The following AREL1 variants were observed in gnomAD, a reference collection of about 807,000 sequenced individuals.
The protein encoded by AREL1 is apoptosis-resistant E3 ubiquitin protein ligase 1.
AREL1 carries 62 observed loss-of-function variants against 99.0 expected under a neutral mutation model. That is an observed-to-expected ratio of 0.63 (90% confidence interval 0.51 to 0.77). The LOEUF (loss-of-function observed/expected upper bound fraction) is 0.77, where lower values mean the gene tolerates loss of function less well. Among genes scored for constraint, AREL1 ranks in the 30% least tolerant of loss-of-function variants. AREL1 has a pLI of 0.00. For missense variants in AREL1, 879 were observed against 1,027.6 expected, an observed-to-expected ratio of 0.86 and a Z score of 1.98; for synonymous variants, 380 against 376.5, an observed-to-expected ratio of 1.01 and a Z score of -0.11.
At chr14:74,667,833 T>G (rs1232404204) in intron 15 of AREL1, among the ~76,000 whole-genome samples, 1 of 152,222 alleles carries the variant, frequency 6.6e-6, no homozygotes, top group Non-Finnish European at 1.5e-5. Context: ...CTGGGTAAGG[T>G]CTTCTCTGAC....
Position 74,685,709 on chromosome 14 carries a change from G to A in AREL1, c.-45-49C>T, listed in dbSNP as rs192402867. ...TTTTTGTCTCCAACTCTGCCTCATA[G>A]CTATCTCAGAGTAAGACAAAGAAGA... On this transcript the variant is annotated intron_variant, in intron 2 of 19. Transcript: ENST00000356357. The A allele has an allele frequency of 1.7e-4, 264 of 1,523,848 alleles. No homozygotes were observed. The African/African-American group carries it at 3.4e-3, about 20-fold the overall frequency. The allele number at this position is 1,523,848 out of a possible 1,614,324, so 94.4% of individuals were successfully genotyped here.
At chr14:74,685,387 A>G (rs1460198613) in intron 3 of AREL1, among the ~76,000 whole-genome samples, 1 of 152,174 alleles carries the variant, frequency 6.6e-6, no homozygotes, top group Non-Finnish European at 1.5e-5. Context: ...ATTCAACTTT[A>G]GACTCCACAG....
At chr14:74,694,028 T>C (rs1290032223) in intron 1 of AREL1, among the ~76,000 whole-genome samples, 1 of 151,884 alleles carries the variant, frequency 6.6e-6, no homozygotes, top group Non-Finnish European at 1.5e-5. Flanking sequence ...AATACAAAAA[T>C]TACCCAGACA....
rs1273908596 is a variant in AREL1, at chr14:74,683,547, A to G, written c.244-14T>C. On this transcript the variant is annotated splice_polypyrimidine_tract_variant and intron_variant, in intron 4 of 19. Coordinates refer to ENST00000356357, the MANE Select transcript of AREL1 (RefSeq NM_001039479.2). ...CTTATAGAATAACTGCCATGGGGAG[A>G]AGAAGGACACCTGTTAGCAAGCAGA... 1.2e-6 allele frequency: 2 copies of G among 1,610,928 alleles called. No individual in the cohort carries two copies. The highest frequency in any genetic ancestry group is 2.2e-5 in the East Asian group (1 of 44,870).
At chr14:74,683,766 G>A (rs369011085) in intron 4 of AREL1, among the ~76,000 whole-genome samples, 2 of 152,190 alleles carry the variant, frequency 1.3e-5, no homozygotes, top group South Asian at 4.1e-4. Flanking sequence ...CAGAGGACAA[G>A]GGTAGAATTT....
At chr14:74,690,296 A>T (rs1205173439) in intron 2 of AREL1, among the ~76,000 whole-genome samples, 1 of 151,896 alleles carries the variant, frequency 6.6e-6, no homozygotes, top group African/African-American at 2.4e-5. Context: ...GCTCCAAAGA[A>T]ACCAACATAA....
At chr14:74,704,584 T>C (rs1407736523) in intron 1 of AREL1, among the ~76,000 whole-genome samples, 1 of 152,190 alleles carries the variant, frequency 6.6e-6, no homozygotes, top group Admixed American at 6.5e-5. Context: ...CCCTAAGCAG[T>C]TCCCAGCTTT....
chr14:74,670,934 T>C (rs1010689983), intron 12 of AREL1, 63 bp from the exon 13 acceptor site: 7 of 1,336,670 alleles, frequency 5.2e-6, no homozygotes, highest in African/African-American at 2.9e-5. Context: ...CTTTTGTTTA[T>C]TGAGTCATCA....
At chr14:74,698,625 G>GC (rs1325304783) in intron 1 of AREL1, 4 of 153,496 alleles carry the variant, frequency 2.6e-5, no homozygotes, top group African/African-American at 9.6e-5. Flanking sequence ...ATGCAATGTT[G>GC]CAAGTGCCAT....
intron 1 of AREL1, among the ~76,000 whole-genome samples, chr14:74,700,402 A>T (rs1476193644): frequency 6.6e-6 from 1 of 152,356 alleles, no homozygotes; most frequent in East Asian, 1.9e-4. Flanking sequence ...AACTGGCAAT[A>T]CTGATGTATC....
Position 74,663,894 on chromosome 14 carries a change from C to T in AREL1, c.2369+5G>A, listed in dbSNP as rs1486081204. On this transcript the variant is annotated splice_donor_5th_base_variant and intron_variant, in intron 19 of 19. Coordinates refer to ENST00000356357, the MANE Select transcript of AREL1 (RefSeq NM_001039479.2). Reference sequence around the variant, plus strand: ...TGGGCATGCATCAGGCGGGCAGATACCTACCATGTGTGTGCAGTAGGCAGC... The same window carrying T: ...TGGGCATGCATCAGGCGGGCAGATATCTACCATGTGTGTGCAGTAGGCAGC... 1 of 1,614,200 alleles carries T rather than the reference C, an allele frequency of 6.2e-7. No homozygotes were observed. The highest frequency in any genetic ancestry group is 2.2e-5 in the East Asian group (1 of 44,884).
intron 1 of AREL1, chr14:74,712,141 TCAAA>T (rs1017391421): frequency 1.0e-4 from 15 of 144,866 alleles, no homozygotes; most frequent in Non-Finnish European, 1.2e-4. Flanking sequence ...ATCACGAGAC[TCAAA>T]CAGACCCCTG....
At chr14:74,698,798 A>G in intron 1 of AREL1, 2 of 262,214 alleles carry the variant, frequency 7.6e-6, no homozygotes, top group Non-Finnish European at 1.7e-5. Context: ...CTGAGGTGGG[A>G]GGATGGCTTG....
At chr14:74,710,187 G>A (rs148272946) in intron 1 of AREL1, among the ~76,000 whole-genome samples, 34 of 152,228 alleles carry the variant, frequency 2.2e-4, no homozygotes, top group Non-Finnish European at 3.2e-4. Context: ...TTCATTTCAC[G>A]CTATAAGAAC....
intron 1 of AREL1, among the ~76,000 whole-genome samples, chr14:74,693,408 C>T (rs186664449): frequency 1.2e-3 from 189 of 152,222 alleles, no homozygotes; most frequent in African/African-American, 4.1e-3. Flanking sequence ...TTATAACTCT[C>T]GAAGATATTC....
In AREL1 at chr14:74,676,336, C is replaced by T. The variant is rs933041574; in HGVS notation, c.652-15G>A. The T allele has an allele frequency of 6.2e-7, 1 of 1,612,570 alleles. No homozygotes were observed. Among genetic ancestry groups the T allele is most frequent in the Non-Finnish European group, 8.5e-7 (1 of 1,179,036 alleles). ...TGAGGGCCGAGCTATAGGAAGGCAACAGAGCATCACTTAACATATAGTATT... is the reference window on the plus strand; with the variant it reads ...TGAGGGCCGAGCTATAGGAAGGCAATAGAGCATCACTTAACATATAGTATT... On this transcript the variant is annotated splice_polypyrimidine_tract_variant and intron_variant, in intron 6 of 19. Coordinates refer to ENST00000356357, the MANE Select transcript of AREL1 (RefSeq NM_001039479.2).
chr14:74,661,273 T>C lies in AREL1; in HGVS notation c.*2447A>G, dbSNP rs905242940. 9 of 456,064 alleles carry C rather than the reference T, an allele frequency of 2.0e-5. No individual in the cohort carries two copies. The highest frequency in any genetic ancestry group is 3.5e-5 in the Non-Finnish European group (8 of 226,652). 28.3% of individuals were successfully genotyped at this position (456,064 alleles called of 1,614,324 possible). A position where few individuals can be genotyped will look rare whatever the true frequency, so the allele number is the denominator to read the frequency against. ...CTCCTTAGTTCTTTTAAACATTTATTTATCTACTGTACAAAATATTTACAT... is the reference window on the plus strand; with the variant it reads ...CTCCTTAGTTCTTTTAAACATTTATCTATCTACTGTACAAAATATTTACAT... On this transcript the variant is annotated 3_prime_UTR_variant, in exon 20 of 20. Coordinates refer to ENST00000356357, the MANE Select transcript of AREL1 (RefSeq NM_001039479.2).
rs145855072 is a variant in AREL1 at position 74,665,628 on chromosome 14, C to T, written c.2104-703G>A. Among the ~76,000 whole-genome samples, 218 of 152,264 alleles carry T rather than the reference C, an allele frequency of 1.4e-3. 3 individuals carry two copies. The highest frequency in any genetic ancestry group is 3.5e-4 in the Non-Finnish European group (24 of 68,010). ...TCTTTTGTGGATTGAACTTTTACTA[C>T]CTTCCCTTCAGCTTCTGCCTCTACT... is the stretch of plus-strand genomic sequence containing the variant. On this transcript the variant is annotated intron_variant, in intron 17 of 19. Coordinates refer to ENST00000356357, the MANE Select transcript of AREL1 (RefSeq NM_001039479.2).
chr14:74,696,358 T>A (rs924693769), intron 1 of AREL1, among the ~76,000 whole-genome samples: 2 of 152,346 alleles, frequency 1.3e-5, no homozygotes, highest in East Asian at 3.9e-4. Context: ...ATGGCTTTAT[T>A]CTTCCCATAC....
Sources: gnomAD v4.1 joint callset for allele counts (sites outside exome capture counted in the v4.1 genomes callset) on GRCh38, gnomAD v4.1.1 for gene constraint, MANE v1.5 for transcripts, NCBI Gene and HGNC (gene_info 2026-07-23, HGNC 2026-07-21) for gene names.